The following WDHD1 variants were observed in gnomAD, a reference collection of about 807,000 sequenced individuals.
WDHD1 encodes WD repeat and HMG-box DNA binding protein 1.
Under a neutral mutation model 135.4 loss-of-function variants are expected in WDHD1, and 111 were observed. The ratio of observed to expected loss-of-function variants is 0.82; its 90% CI spans 0.70 to 0.96. WDHD1 has a LOEUF of 0.96. Ranked by LOEUF, WDHD1 falls within the 40% of genes least tolerant of loss-of-function variation. The probability of loss-of-function intolerance (pLI) is 0.00; values close to 1 mark genes in which losing one functional copy is unlikely to be tolerated. For missense variants in WDHD1, 1,351 were observed against 1,336.3 expected (o/e 1.01, Z -0.17); for synonymous variants, 434 against 439.0 (o/e 0.99, Z 0.14).
chr14:54,992,610 C>T (rs1595101065), intron 11 of WDHD1, among the ~76,000 whole-genome samples: 1 of 152,146 alleles, frequency 6.6e-6, no homozygotes, highest in Non-Finnish European at 1.5e-5. Context: ...AGATTGGTAA[C>T]AACACTAGCA....
chr14:54,952,772 CAG>C (rs1225534342), intron 24 of WDHD1, among the ~76,000 whole-genome samples: 1 of 152,170 alleles, frequency 6.6e-6, no homozygotes, highest in East Asian at 1.9e-4. Context: ...GGTACCAAAA[CAG>C]AGATACAGAC....
chr14:54,991,530 TGTGTTAAA>T, intron 11 of WDHD1, 130 bp from the exon 12 acceptor site: 1 of 869,442 alleles, frequency 1.2e-6, no homozygotes, highest in African/African-American at 1.7e-5. Flanking sequence ...CCTCTTTCAC[TGTGTTAAA>T]GAGATGCAGT....
At chr14:54,947,274 G>A (rs2140148483) in intron 24 of WDHD1, among the ~76,000 whole-genome samples, 1 of 152,270 alleles carries the variant, frequency 6.6e-6, no homozygotes, top group South Asian at 2.1e-4. Context: ...AGAGGCAGAG[G>A]TTGCAGTGAG....
intron 15 of WDHD1, among the ~76,000 whole-genome samples, chr14:54,983,920 C>G (rs1175905101): frequency 2.0e-5 from 3 of 152,110 alleles, no homozygotes; most frequent in East Asian, 1.9e-4. Context: ...AACATGTAAT[C>G]AACATAAAAA....
In WDHD1 at chr14:54,940,085, C is replaced by T. The variant is rs1382107858; in HGVS notation, c.*1405G>A. 1 of 152,086 alleles carries T rather than the reference C, an allele frequency of 6.6e-6. No homozygotes were observed. The highest frequency in any genetic ancestry group is 2.4e-5 in the African/African-American group (1 of 41,390). 9.4% of individuals were successfully genotyped at this position (152,086 alleles called of 1,614,324 possible). ...AGCATCATCATTATCAGAATAGTAA[C>T]TAACATTTATATAAAAGATTACTAT... On this transcript the variant is annotated 3_prime_UTR_variant, in exon 26 of 26. Transcript: ENST00000360586.
At chr14:55,009,764 A>G (rs2042135116) in intron 4 of WDHD1, among the ~76,000 whole-genome samples, 1 of 151,850 alleles carries the variant, frequency 6.6e-6, no homozygotes, top group African/African-American at 2.4e-5. Flanking sequence ...CCATCAAGCT[A>G]TGCTTTCAGT....
rs1460313790 is a variant in WDHD1, at chr14:54,990,518, C to T, written c.1341+695G>A. 5.3e-5 allele frequency among the ~76,000 whole-genome samples: 8 copies of T among 151,846 alleles called. No individual in the cohort carries two copies. In the South Asian group the frequency reaches 1.7e-3, roughly 32 times the overall value. On this transcript the variant is annotated intron_variant, in intron 12 of 25. Coordinates refer to ENST00000360586, the MANE Select transcript of WDHD1 (RefSeq NM_007086.4). ...GGCTGAGGCAGGAGAATGGCGTGAA[C>T]CTGGGAGGCGGAGCTTGCAGTGAGC...
At position 54,991,361 on chromosome 14, in the gene WDHD1, T is replaced by A; in HGVS notation, c.1193A>T (p.Glu398Val). 6.2e-7 allele frequency: 1 copy of A among 1,614,222 alleles called. No homozygotes were observed. Among genetic ancestry groups the A allele is most frequent in the African/African-American group, 1.3e-5 (1 of 75,072 alleles). The stretch of plus-strand genomic sequence containing the variant: ...GCCTTCTTGACCATCTTCCTCCTCC[T>A]CTTTGAGAAGACTAGAACCAGTTTT... ...MLKTGSSLLK[E>V]EEEDGQEGSI... Residue 398 changes from glutamate to valine, a missense_variant, in exon 12 of 26, where the codon GAG becomes GTG. This residue lies in a region of WDHD1 where 1,330 missense variants were observed against 1,296.1 expected (regional missense o/e 1.03). Transcript: ENST00000360586.
intron 14 of WDHD1, among the ~76,000 whole-genome samples, chr14:54,986,450 G>T (rs1013156533): frequency 6.6e-6 from 1 of 152,078 alleles, no homozygotes; most frequent in Non-Finnish European, 1.5e-5. Context: ...TTACAGGTGT[G>T]AGCCACCACA....
At chr14:55,019,677 T>A (rs1229497904) in intron 2 of WDHD1, among the ~76,000 whole-genome samples, 7 of 152,192 alleles carry the variant, frequency 4.6e-5, no homozygotes, top group Non-Finnish European at 7.3e-5. Flanking sequence ...AAGACTAGCC[T>A]GGCCAACATG....
At chr14:54,971,592 T>C (rs2041433294) in intron 16 of WDHD1, among the ~76,000 whole-genome samples, 1 of 149,622 alleles carries the variant, frequency 6.7e-6, no homozygotes, top group Non-Finnish European at 1.5e-5. Context: ...CACAAACAAA[T>C]GGAAAGACAT....
chr14:54,978,041 G>A (rs2041556387), intron 16 of WDHD1, among the ~76,000 whole-genome samples: 1 of 152,078 alleles, frequency 6.6e-6, no homozygotes. Context: ...CATTGCAGAT[G>A]ACTAATTTCA....
At position 54,962,612 on chromosome 14, in the gene WDHD1, C is replaced by T. The variant is rs533450159; in HGVS notation, c.2648-61G>A. ...GGAAAATATAGTCATCCTCAATATA[C>T]AACAACCAGATAGCAAAGAGGTCTG... On this transcript the variant is annotated intron_variant, in intron 20 of 25. Transcript: ENST00000360586. The T allele has an allele frequency of 1.2e-3, 1,822 of 1,529,370 alleles. 23 individuals are homozygous for T. The South Asian group carries it at 0.012, about 10-fold the overall frequency. 94.7% of individuals were successfully genotyped at this position (1,529,370 alleles called of 1,614,324 possible).
chr14:55,007,089 A>G (rs2042083217), intron 7 of WDHD1, among the ~76,000 whole-genome samples, 191 bp downstream of exon 7: 1 of 151,960 alleles, frequency 6.6e-6, no homozygotes, highest in Admixed American at 6.6e-5. Flanking sequence ...TTAGCTGGGC[A>G]TGGCAGTGTG....
chr14:55,020,773 A>G (rs1038967296), intron 2 of WDHD1, among the ~76,000 whole-genome samples: 3 of 152,214 alleles, frequency 2.0e-5, no homozygotes, highest in African/African-American at 7.2e-5. Context: ...AAACTTTACT[A>G]ACAGCCTACT....
Position 55,026,742 on chromosome 14 carries a change from G to T in WDHD1, c.46C>A (p.His16Asn). The T allele has an allele frequency of 6.2e-7, 1 of 1,614,202 alleles. No individual in the cohort carries two copies. The highest frequency in any genetic ancestry group is 1.3e-5 in the African/African-American group (1 of 75,056). Residue 16 changes from histidine to asparagine, a missense_variant, in exon 2 of 26, where the codon CAC becomes AAC. By Grantham distance (68) the His-to-Asn change is moderately conservative. Coordinates refer to ENST00000360586, the MANE Select transcript of WDHD1 (RefSeq NM_007086.4). ...KPMRYGHTEGHTEVCFDDSGS... is the reference protein window; with the variant it reads ...KPMRYGHTEGNTEVCFDDSGS... ...GAATCATCAAAACAGACCTCCGTGTGTCCCTCTGTATGCCCATATCTCATT... is the reference window on the plus strand; with the variant it reads ...GAATCATCAAAACAGACCTCCGTGTTTCCCTCTGTATGCCCATATCTCATT...
chr14:54,983,974 A>G (rs752510618), intron 15 of WDHD1, among the ~76,000 whole-genome samples: 2 of 152,228 alleles, frequency 1.3e-5, no homozygotes, highest in Non-Finnish European at 2.9e-5. Flanking sequence ...TTCAAAATCC[A>G]GAGTATTTTA....
At chr14:54,952,668 A>C (rs909785211) in intron 24 of WDHD1, among the ~76,000 whole-genome samples, 11 of 152,226 alleles carry the variant, frequency 7.2e-5, no homozygotes, top group Non-Finnish European at 1.3e-4. Context: ...GAACCAAAAA[A>C]GAGCCCGCAT....
chr14:54,982,941 G>A (rs1413534276), intron 15 of WDHD1, among the ~76,000 whole-genome samples: 1 of 152,062 alleles, frequency 6.6e-6, no homozygotes, highest in African/African-American at 2.4e-5. Flanking sequence ...GAGGCAGGTG[G>A]ATCACCTGAT....
Sources: allele counts gnomAD v4.1 joint callset (sites outside exome capture counted in the v4.1 genomes callset), GRCh38; gene constraint gnomAD v4.1.1; regional missense constraint gnomAD v4.1.1; transcripts MANE v1.5; gene names NCBI Gene and HGNC (gene_info 2026-07-23, HGNC 2026-07-21).